The following NRN1 variants were observed in gnomAD, a reference collection of about 807,000 sequenced individuals.
The protein encoded by NRN1 is neuritin 1.
Under a neutral mutation model 15.0 loss-of-function variants are expected in NRN1, and 4 were observed. That is an observed-to-expected ratio of 0.27 (90% CI 0.13 to 0.61). The LOEUF (loss-of-function observed/expected upper bound fraction) is 0.61, where lower values mean the gene tolerates loss of function less well. Ranked by LOEUF, NRN1 falls within the 20% of genes least tolerant of loss-of-function variation. The pLI, the probability that NRN1 is intolerant of heterozygous loss-of-function variation, is 0.87. For missense variants in NRN1, 134 were observed against 181.9 expected (o/e 0.74, Z 1.51); for synonymous variants, 85 against 79.8 (o/e 1.07, Z -0.35).
chr6:6,002,092 G>A (rs1294906211), intron 2 of NRN1, among the ~76,000 whole-genome samples: 1 of 152,230 alleles, frequency 6.6e-6, no homozygotes, highest in Non-Finnish European at 1.5e-5. Context: ...AAGCCTGAGA[G>A]GCCGCGTAGA....
chr6:6,004,683 C>A (rs764859458), intron 1 of NRN1, among the ~76,000 whole-genome samples: 3 of 152,326 alleles, frequency 2.0e-5, no homozygotes, highest in African/African-American at 4.8e-5. Flanking sequence ...GCGCGCGGGA[C>A]GGATTTTGCA....
chr6:6,005,553 T>G (rs1199457193), intron 1 of NRN1, among the ~76,000 whole-genome samples: 1 of 152,202 alleles, frequency 6.6e-6, no homozygotes, highest in Non-Finnish European at 1.5e-5. Context: ...TTCACATTTC[T>G]TATGGAAAAA....
At position 5,999,218 on chromosome 6, in the gene NRN1, GAACAA is replaced by G. The variant is rs535012926; in HGVS notation, c.201-19_201-15del. On this transcript the variant is annotated splice_polypyrimidine_tract_variant and intron_variant, in intron 2 of 2. Coordinates refer to ENST00000244766, the MANE Select transcript of NRN1 (RefSeq NM_016588.3). ...TCCTCCCAGTATCTGGTGAGGAACAGAACAAAACAGAACAAGCAGGTTCACTTGGG... is the reference window on the plus strand; with the variant it reads ...TCCTCCCAGTATCTGGTGAGGAACAGAACAGAACAAGCAGGTTCACTTGGG... The G allele has an allele frequency of 3.6e-4, 578 of 1,596,006 alleles. 2 individuals are homozygous for G. In the African/African-American group the frequency reaches 7.0e-3, roughly 19 times the overall value.
intron 1 of NRN1, chr6:6,003,689 G>A: frequency 2.4e-6 from 3 of 1,233,840 alleles, no homozygotes; most frequent in Non-Finnish European, 3.0e-6. Context: ...GCGCGGGACT[G>A]GAAGGACAGG....
chr6:6,000,152 G>C (rs1373211379), intron 2 of NRN1, among the ~76,000 whole-genome samples: 1 of 152,168 alleles, frequency 6.6e-6, no homozygotes, highest in African/African-American at 2.4e-5. Flanking sequence ...CGGGGAAGGC[G>C]TGGTGCCCAC....
Position 6,002,465 on chromosome 6 carries a change from T to C in NRN1, c.88A>G (p.Lys30Glu), listed in dbSNP as rs201541232. 1.0e-4 allele frequency: 164 copies of C among 1,614,032 alleles called. No individual in the cohort carries two copies. Among genetic ancestry groups the C allele is most frequent in the Non-Finnish European group, 1.3e-4 (155 of 1,180,006 alleles). Residue 30 changes from lysine (K) to glutamate (E), a missense_variant, in exon 2 of 3, where the codon AAG (lysine) becomes GAG (glutamate). Coordinates refer to ENST00000244766, the MANE Select transcript of NRN1 (RefSeq NM_016588.3). ...AAGCCCTTGAAGACCGCATCGCACT[T>C]GCCCGCTGCTCTCACGGCCTGCACC... ...YLVQAVRAAGKCDAVFKGFSD... is the reference protein window; with the variant it reads ...YLVQAVRAAGECDAVFKGFSD...
upstream of NRN1, chr6:6,007,391 A>AG (rs924153150): frequency 6.6e-6 from 1 of 152,170 alleles, no homozygotes; most frequent in African/African-American, 2.4e-5. Context: ...TCTACGATGC[A>AG]GGGGGGTTTA....
chr6:6,000,658 G>A (rs1208069713), intron 2 of NRN1, among the ~76,000 whole-genome samples: 1 of 151,410 alleles, frequency 6.6e-6, no homozygotes, highest in Admixed American at 6.6e-5. Flanking sequence ...AGGAGGCCCA[G>A]GGAGGACAGC....
intron 1 of NRN1, chr6:6,003,922 G>T (rs989060907): frequency 1.6e-6 from 2 of 1,229,110 alleles, no homozygotes; most frequent in African/African-American, 1.6e-5. Context: ...GCTTTCTGGC[G>T]GCTGCGCTTG....
At chr6:6,006,943 GA>G, upstream of NRN1, 1 of 194,416 alleles carries the variant, frequency 5.1e-6, no homozygotes, top group South Asian at 5.2e-5. Flanking sequence ...GAGAGAAAGA[GA>G]GAGAGAGAGA....
chr6:5,999,137 T>C lies in NRN1; in HGVS notation c.268A>G (p.Met90Val), dbSNP rs770805252. Residue 90 changes from methionine (M) to valine (V), a missense_variant, in exon 3 of 3, where the codon ATG becomes GTG. By Grantham distance (21) the Met-to-Val change is conservative. Coordinates refer to ENST00000244766, the MANE Select transcript of NRN1 (RefSeq NM_016588.3). ...GATTCTTTTCTCAGTTTATCCCACA[T>C]ATCTTTCGCCCCTTCCTGGCAATCC... ...LTDCQEGAKD[M>V]WDKLRKESKN... is the part of the protein sequence containing the mutation. 13 of 1,614,186 alleles carry C rather than the reference T, an allele frequency of 8.1e-6. No homozygotes were observed. In the Admixed American group the frequency reaches 1.5e-4, roughly 19 times the overall value.
Position 5,999,201 on chromosome 6 carries a change from G to C in NRN1, c.204C>G (p.Tyr68Ter). The part of the protein sequence containing the change: ...DKTNIKTVCT[Y>*]WEDFHSCTVT... ...CCGTGCAGCTGTGGAAATCCTCCCAGTATCTGGTGAGGAACAGAACAAAAC... is the reference window on the plus strand; with the variant it reads ...CCGTGCAGCTGTGGAAATCCTCCCACTATCTGGTGAGGAACAGAACAAAAC... The change falls in exon 3 of 3, where the codon TAC (tyrosine) becomes TAG (stop). Residue 68 changes from tyrosine to a stop codon, truncating the protein, a stop_gained. Coordinates refer to ENST00000244766, the MANE Select transcript of NRN1 (RefSeq NM_016588.3). LOFTEE classifies it high-confidence loss of function. The C allele has an allele frequency of 6.2e-7, 1 of 1,611,426 alleles. No individual in the cohort carries two copies. The highest frequency in any genetic ancestry group is 8.5e-7 in the Non-Finnish European group (1 of 1,178,014).
chr6:6,004,026 GA>G, intron 1 of NRN1: 12 of 1,191,590 alleles, frequency 1.0e-5, no homozygotes, highest in Non-Finnish European at 1.1e-5. Context: ...CGCCGAAGAG[GA>G]AGGTGACCGA....
intron 1 of NRN1, chr6:6,003,963 C>A: frequency 8.2e-7 from 1 of 1,224,058 alleles, no homozygotes; most frequent in East Asian, 3.2e-5. Context: ...GGACCGGACA[C>A]CTCAATCCCC....
intron 2 of NRN1, among the ~76,000 whole-genome samples, chr6:6,000,748 T>TTTTTTTTTTTTTTTTTTTTTTTTTA (rs1554145373): frequency 2.0e-5 from 2 of 99,102 alleles, no homozygotes; most frequent in Non-Finnish European, 4.0e-5. Context: ...TTTTTTTTTT[T>TTTTTTTTTTTTTTTTTTTTTTTTTA]ATGTACGCCC....
chr6:6,000,307 G>C (rs902898726), intron 2 of NRN1, among the ~76,000 whole-genome samples: 1 of 152,102 alleles, frequency 6.6e-6, no homozygotes. Flanking sequence ...TGTCCCTTTT[G>C]ACTGTCCCCC....
rs759229094 is a variant in NRN1, at chr6:6,006,866, A to C, written c.-117T>G. The C allele has an allele frequency of 1.9e-5, 14 of 732,368 alleles. No individual in the cohort carries two copies. Among genetic ancestry groups the C allele is most frequent in the Non-Finnish European group, 3.4e-5 (14 of 411,982 alleles). The allele number at this position is 732,368 out of a possible 1,614,324, so 45.4% of individuals were successfully genotyped here. Reference sequence around the variant, plus strand: ...AAGTTCCGGGAGCGACAGAGACTTTATGCACTGGGAAGGCAGAGGGAGGAG... The same window carrying C: ...AAGTTCCGGGAGCGACAGAGACTTTCTGCACTGGGAAGGCAGAGGGAGGAG... On this transcript the variant is annotated 5_prime_UTR_variant, in exon 1 of 3. Coordinates refer to ENST00000244766, the MANE Select transcript of NRN1 (RefSeq NM_016588.3).
chr6:6,004,711 A>G (rs1178623513), intron 1 of NRN1, among the ~76,000 whole-genome samples: 1 of 152,198 alleles, frequency 6.6e-6, no homozygotes, highest in Non-Finnish European at 1.5e-5. Context: ...GCGTCCCAGC[A>G]GGTCGCAGCC....
rs1241112635 is a variant in NRN1 at position 6,004,121 on chromosome 6, C to A, written c.56-1624G>T. ...GGGCCTTGCGCTTTTTAATCCGGAA[C>A]GGGAAGCACTGGGGAAGGGACCGAG... On this transcript the variant is annotated intron_variant, in intron 1 of 2. Coordinates refer to ENST00000244766, the MANE Select transcript of NRN1 (RefSeq NM_016588.3). 4.6e-6 allele frequency: 4 copies of A among 867,698 alleles called. No homozygotes were observed. In the African/African-American group the frequency reaches 7.1e-5, roughly 16 times the overall value. 53.7% of individuals were successfully genotyped at this position (867,698 alleles called of 1,614,324 possible).
Sources: allele counts gnomAD v4.1 joint callset (sites outside exome capture counted in the v4.1 genomes callset), GRCh38; gene constraint gnomAD v4.1.1; transcripts MANE v1.5; gene names NCBI Gene and HGNC (gene_info 2026-07-23, HGNC 2026-07-21).